WWC2: variants seen among roughly 807,000 people sequenced by gnomAD.
WWC2 encodes the protein WW and C2 domain containing 2.
Under a neutral mutation model 138.5 loss-of-function variants are expected in WWC2, and 101 were observed. That is an observed-to-expected ratio of 0.73 (90% CI 0.62 to 0.86). The LOEUF is 0.86. Ranked by LOEUF, WWC2 falls within the 40% of genes least tolerant of loss-of-function variation. The pLI is 0.00. For synonymous variants in WWC2, 558 were observed against 538.4 expected (o/e 1.04, Z -0.50); for missense variants, 1,420 against 1,419.4 (o/e 1.00, Z -0.01).
chr4:183,119,385 A>G (rs1732528306), intron 1 of WWC2, among the ~76,000 whole-genome samples: 1 of 152,162 alleles, frequency 6.6e-6, no homozygotes. Context: ...AAGTGAAGAG[A>G]TGCCCTTTGT....
intron 1 of WWC2, among the ~76,000 whole-genome samples, chr4:183,142,517 G>A (rs1733332142): frequency 6.6e-6 from 1 of 152,214 alleles, no homozygotes; most frequent in South Asian, 2.1e-4. Flanking sequence ...CCCCGACAAA[G>A]AGAGTGTGTA....
chr4:183,220,384 G>T (rs1190360309), intron 4 of WWC2, among the ~76,000 whole-genome samples: 1 of 152,094 alleles, frequency 6.6e-6, no homozygotes, highest in African/African-American at 2.4e-5. Context: ...GCAGTCTCTG[G>T]TGCAGATTTT....
intron 1 of WWC2, among the ~76,000 whole-genome samples, chr4:183,146,048 A>G (rs187886526): frequency 6.6e-4 from 100 of 152,340 alleles, no homozygotes; most frequent in African/African-American, 2.3e-3. Flanking sequence ...GATGGTAGGA[A>G]GGTCTGAGTA....
At chr4:183,162,742 A>G (rs2111143678) in intron 1 of WWC2, among the ~76,000 whole-genome samples, 1 of 152,084 alleles carries the variant, frequency 6.6e-6, no homozygotes, top group Non-Finnish European at 1.5e-5. Flanking sequence ...CCTTCTTCCC[A>G]CAGAGGCCCC....
chr4:183,175,660 A>G (rs187099717), intron 1 of WWC2, among the ~76,000 whole-genome samples: 12 of 152,316 alleles, frequency 7.9e-5, no homozygotes, highest in Non-Finnish European at 1.5e-4. Context: ...GGACTAGAAC[A>G]GTTTCTCAAA....
intron 2 of WWC2, among the ~76,000 whole-genome samples, chr4:183,199,067 G>A (rs201363575): frequency 3.9e-5 from 6 of 152,286 alleles, no homozygotes; most frequent in Middle Eastern, 3.4e-3. Flanking sequence ...AGTGCTTTAA[G>A]CTGAAACCAA....
Position 183,253,902 on chromosome 4 carries a change from A to G in WWC2, c.1099A>G (p.Thr367Ala), listed in dbSNP as rs1244363483. Reference protein sequence around the residue: ...ELQFVTPQKRTQDELERLEAE... With the variant: ...ELQFVTPQKRAQDELERLEAE... ...TCAGTTCGTCACCCCACAGAAACGT[A>G]CCCAAGATGAATTAGAACGCCTAGA... Residue 367 changes from threonine (T) to alanine (A), a missense_variant, in exon 9 of 23, where the codon ACC becomes GCC. Physicochemically the swap from Thr to Ala is moderately conservative, Grantham distance 58. Transcript: ENST00000403733. 1 of 1,613,764 alleles carries G rather than the reference A, an allele frequency of 6.2e-7. No homozygotes were observed. The highest frequency in any genetic ancestry group is 8.5e-7 in the Non-Finnish European group (1 of 1,179,842).
intron 4 of WWC2, among the ~76,000 whole-genome samples, chr4:183,209,462 C>G (rs757365900): frequency 6.6e-5 from 10 of 152,152 alleles, no homozygotes; most frequent in Non-Finnish European, 1.2e-4. Flanking sequence ...GTCTTGAACT[C>G]CTGACTGCAA....
chr4:183,239,382 A>G (rs1030361380), intron 4 of WWC2, among the ~76,000 whole-genome samples: 1 of 152,146 alleles, frequency 6.6e-6, no homozygotes, highest in Admixed American at 6.5e-5. Flanking sequence ...GTAAGTTTCT[A>G]ACCCTTGTGA....
intron 2 of WWC2, among the ~76,000 whole-genome samples, chr4:183,205,209 A>G (rs1403091238): frequency 2.0e-5 from 3 of 152,206 alleles, no homozygotes; most frequent in Non-Finnish European, 4.4e-5. Context: ...ATTGCACCAC[A>G]TCCTCTTCAA....
chr4:183,203,982 G>T (rs1704370856), intron 2 of WWC2, among the ~76,000 whole-genome samples: 1 of 152,114 alleles, frequency 6.6e-6, no homozygotes, highest in Non-Finnish European at 1.5e-5. Flanking sequence ...GTTGGGTTGA[G>T]TTCTCTCAGA....
chr4:183,184,586 G>A (rs1370790135), intron 1 of WWC2, among the ~76,000 whole-genome samples: 2 of 152,082 alleles, frequency 1.3e-5, no homozygotes, highest in South Asian at 2.1e-4. Context: ...ACCATTTTAC[G>A]TTGCCACCCA....
rs1036552561 is a variant in WWC2 at position 183,317,255 on chromosome 4, T to C, written c.*1526T>C. ...TTTTATTTTCTTGAAAGCAATTATA[T>C]ATATTTTGGAAAGTTCATGTTATTG... On this transcript the variant is annotated 3_prime_UTR_variant, in exon 23 of 23. Coordinates refer to ENST00000403733, the MANE Select transcript of WWC2 (RefSeq NM_024949.6). 2.0e-5 allele frequency: 3 copies of C among 152,188 alleles called. No homozygotes were observed. The highest frequency in any genetic ancestry group is 2.9e-5 in the Non-Finnish European group (2 of 68,030). The allele number at this position is 152,188 out of a possible 1,614,324, so 9.4% of individuals were successfully genotyped here.
intron 21 of WWC2, among the ~76,000 whole-genome samples, chr4:183,299,517 T>A (rs1010553897): frequency 6.6e-6 from 1 of 152,220 alleles, no homozygotes; most frequent in Non-Finnish European, 1.5e-5. Context: ...ACATAAACTG[T>A]TTGAGTTGTG....
intron 6 of WWC2, among the ~76,000 whole-genome samples, chr4:183,246,986 T>G (rs1008747948): frequency 5.9e-5 from 9 of 152,204 alleles, no homozygotes; most frequent in South Asian, 2.1e-4. Context: ...CAGGCCTGAT[T>G]AAATTAAAAG....
intron 1 of WWC2, among the ~76,000 whole-genome samples, chr4:183,162,340 A>G (rs1733986164): frequency 6.6e-6 from 1 of 152,232 alleles, no homozygotes; most frequent in Admixed American, 6.5e-5. Context: ...CTCAAAGGTC[A>G]TGGAATAATT....
rs75079713 is a variant in WWC2, at chr4:183,315,144, C to T, written c.3513-519C>T. Among the ~76,000 whole-genome samples, 369 of 152,364 alleles carry T rather than the reference C, an allele frequency of 2.4e-3. 2 individuals carry two copies. The highest frequency in any genetic ancestry group is 8.5e-3 in the African/African-American group (354 of 41,576). On this transcript the variant is annotated intron_variant, in intron 22 of 22. Transcript: ENST00000403733. ...CCGCTCTGCCCTGTCTCAGCCTCTC[C>T]GCTGCTTCGGGACCAGGGCAGTTAC...
intron 21 of WWC2, among the ~76,000 whole-genome samples, chr4:183,310,697 GTCTC>G (rs1190202802): frequency 1.8e-4 from 26 of 144,458 alleles, no homozygotes; most frequent in Admixed American, 9.7e-4. Context: ...TAGAGAGAGT[GTCTC>G]TCTATGTTGT....
intron 1 of WWC2, among the ~76,000 whole-genome samples, chr4:183,156,629 G>A (rs1000123222): frequency 2.6e-5 from 4 of 152,124 alleles, no homozygotes; most frequent in Non-Finnish European, 5.9e-5. Context: ...ACCACGCCCG[G>A]CACCTTTGTT....
Sources: allele counts gnomAD v4.1 joint callset (sites outside exome capture counted in the v4.1 genomes callset), GRCh38; gene constraint gnomAD v4.1.1; transcripts MANE v1.5; gene names NCBI Gene and HGNC (gene_info 2026-07-23, HGNC 2026-07-21).